Variants in BACH1 observed in about 807,000 individuals in gnomAD.
BACH1 encodes the protein transcription regulator protein BACH1.
A neutral mutation model predicts 52.9 loss-of-function variants in BACH1; 35 were observed. That is an observed-to-expected ratio of 0.66 (90% CI 0.51 to 0.88). BACH1 has a LOEUF of 0.88. Among genes scored for constraint, BACH1 ranks in the 40% least tolerant of loss-of-function variants. BACH1 has a pLI of 0.00. For missense variants in BACH1, 808 were observed against 872.6 expected, an observed-to-expected ratio of 0.93 and a Z score of 0.93; for synonymous variants, 321 against 319.6, an observed-to-expected ratio of 1.00 and a Z score of -0.05.
intron 2 of BACH1, among the ~76,000 whole-genome samples, chr21:29,324,848 C>T (rs965762301): frequency 2.0e-5 from 3 of 152,100 alleles, no homozygotes; most frequent in East Asian, 1.9e-4. Flanking sequence ...TTTAGTTTAT[C>T]GGCATTCTCA....
downstream of BACH1, among the ~76,000 whole-genome samples, chr21:29,347,390 C>T (rs1046574807): frequency 1.3e-5 from 2 of 152,136 alleles, no homozygotes; most frequent in Middle Eastern, 3.2e-3. Flanking sequence ...GACTTAATGA[C>T]GCTAAAAATT....
chr21:29,332,295 T>C (rs1314918900), intron 4 of BACH1, among the ~76,000 whole-genome samples: 1 of 152,226 alleles, frequency 6.6e-6, no homozygotes, highest in Non-Finnish European at 1.5e-5. Flanking sequence ...GTAAACTCTG[T>C]GTTTGGTATA....
Position 29,326,953 on chromosome 21 carries a change from G to A in BACH1, c.1129G>A (p.Glu377Lys). 6.8e-6 allele frequency: 11 copies of A among 1,614,212 alleles called. No homozygotes were observed. The highest frequency in any genetic ancestry group is 8.5e-6 in the Non-Finnish European group (10 of 1,180,038). Residue 377 changes from glutamate to lysine, a missense_variant, in exon 3 of 5, where the codon GAA (glutamate) becomes AAA (lysine). Glu to Lys is a moderately conservative substitution (Grantham distance 56, BLOSUM62 1). Transcript: ENST00000286800. ...TTTGAAATCCGACTTGGGCACCAGG[G>A]AAGATAGTAGTGTTGCATCTAGTGA... The part of the protein sequence containing the change: ...LPLKSDLGTR[E>K]DSSVASSDRS...
chr21:29,310,898 CAGG>C (rs745807078), intron 1 of BACH1, among the ~76,000 whole-genome samples: 5 of 152,064 alleles, frequency 3.3e-5, no homozygotes, highest in African/African-American at 4.8e-5. Flanking sequence ...AAATTCAGTA[CAGG>C]AGAGCAAAGA....
Position 29,305,010 on chromosome 21 carries a change from A to G in BACH1, c.-61+6057A>G, listed in dbSNP as rs182297269. Among the ~76,000 whole-genome samples, 282 of 152,308 alleles carry G rather than the reference A, an allele frequency of 1.9e-3. 5 individuals are homozygous for G. Among genetic ancestry groups the G allele is most frequent in the Non-Finnish European group, 3.8e-4 (26 of 68,032 alleles). ...TTATTTTAAAAAATGTACAGTGGTTATCTGATCTTGGCCCAGGCCTCTTCA... is the reference window on the plus strand; with the variant it reads ...TTATTTTAAAAAATGTACAGTGGTTGTCTGATCTTGGCCCAGGCCTCTTCA... On this transcript the variant is annotated intron_variant, in intron 1 of 4. Transcript: ENST00000286800.
intron 2 of BACH1, among the ~76,000 whole-genome samples, chr21:29,357,894 CATGTAGATAAT>C (rs1041412744): frequency 6.6e-6 from 1 of 152,214 alleles, no homozygotes; most frequent in African/African-American, 2.4e-5. Context: ...TCCCCATATT[CATGTAGATAAT>C]AACTCCAGCT....
At chr21:29,337,253 T>C (rs1205378512) in intron 4 of BACH1, among the ~76,000 whole-genome samples, 1 of 152,226 alleles carries the variant, frequency 6.6e-6, no homozygotes, top group African/African-American at 2.4e-5. Context: ...GCAGTTATAT[T>C]GGACTTTGGA....
intron 1 of BACH1, among the ~76,000 whole-genome samples, chr21:29,307,613 ATTG>A (rs1297111553): frequency 6.6e-6 from 1 of 152,204 alleles, no homozygotes; most frequent in Non-Finnish European, 1.5e-5. Flanking sequence ...TATGGTTATA[ATTG>A]TTGTATTTTA....
intron 4 of BACH1, among the ~76,000 whole-genome samples, chr21:29,341,158 C>G (rs1438387065): frequency 2.6e-5 from 4 of 151,810 alleles, no homozygotes; most frequent in Non-Finnish European, 4.4e-5. Flanking sequence ...TGTATAAAAC[C>G]ATAACAATAC....
At chr21:29,309,186 G>A (rs1153282) in intron 1 of BACH1, among the ~76,000 whole-genome samples, 107,479 of 151,032 alleles carry the variant, frequency 0.71, 39,375 homozygotes, top group African/African-American at 0.87. Context: ...TGAACCTGGG[G>A]GACAGGTGTT....
At chr21:29,339,943 A>AT (rs1244401617) in intron 4 of BACH1, among the ~76,000 whole-genome samples, 3 of 152,126 alleles carry the variant, frequency 2.0e-5, no homozygotes. Flanking sequence ...GCCTGTAAAG[A>AT]TTTTTTGTTG....
chr21:29,319,613 G>A (rs748310279), intron 1 of BACH1, among the ~76,000 whole-genome samples: 19 of 150,952 alleles, frequency 1.3e-4, no homozygotes, highest in Non-Finnish European at 1.2e-4. Context: ...TATTTCTACA[G>A]TGTTTTCTGG....
chr21:29,312,984 A>G (rs906944067), intron 1 of BACH1, among the ~76,000 whole-genome samples: 1 of 152,238 alleles, frequency 6.6e-6, no homozygotes, highest in East Asian at 1.9e-4. Flanking sequence ...GAGGCTCAAC[A>G]TCCATTACTT....
At chr21:29,350,313 T>C (rs956537897), downstream of BACH1, among the ~76,000 whole-genome samples, 3 of 152,196 alleles carry the variant, frequency 2.0e-5, no homozygotes, top group African/African-American at 7.2e-5. Flanking sequence ...CTGCCAAATG[T>C]TGGGTTTCCA....
chr21:29,321,362 C>T lies in BACH1; in HGVS notation c.82C>T (p.Arg28Trp), dbSNP rs747087328. 1.4e-5 allele frequency: 22 copies of T among 1,614,066 alleles called. No individual in the cohort carries two copies. Among genetic ancestry groups the T allele is most frequent in the Non-Finnish European group, 1.9e-5 (22 of 1,180,038 alleles). The change falls in exon 2 of 5, where the codon CGG (arginine) becomes TGG (tryptophan). Residue 28 changes from arginine (R) to tryptophan (W), a missense_variant. Physicochemically the swap from Arg to Trp is moderately radical, Grantham distance 101. Coordinates refer to ENST00000286800, the MANE Select transcript of BACH1 (RefSeq NM_001186.4). The stretch of plus-strand genomic sequence containing the variant: ...TGTTTTACTCAGCCTTAATGACCAG[C>T]GGAAGAAAGATGTGCTGTGCGATGT... ...TNVLLSLNDQRKKDVLCDVTI... is the reference protein window; with the variant it reads ...TNVLLSLNDQWKKDVLCDVTI...
Position 29,326,971 on chromosome 21 carries a change from T to C in BACH1, c.1147T>C (p.Ser383Pro). 2 of 1,614,228 alleles carry C rather than the reference T, an allele frequency of 1.2e-6. No homozygotes were observed. The highest frequency in any genetic ancestry group is 1.7e-6 in the Non-Finnish European group (2 of 1,180,034). The change falls in exon 3 of 5, where the codon TCT (serine) becomes CCT (proline). Residue 383 changes from serine to proline, a missense_variant. Transcript: ENST00000286800. ...CACCAGGGAAGATAGTAGTGTTGCA[T>C]CTAGTGATAGGAGTAGTGTGGAGCG... ...LGTREDSSVA[S>P]SDRSSVEREV...
In BACH1 at chr21:29,342,476, T is replaced by C; in HGVS notation, c.1854T>C (p.Thr618=). ...TGGGTGAGACAAAGCAGAACCTAAC[T>C]GGACTTTGCCAGAAAGTTTGTAAAG... The part of the protein sequence containing the change: ...STLGETKQNL[T]GLCQKVCKEA... Residue 618 remains threonine, a synonymous_variant, in exon 5 of 5, where the codon ACT becomes ACC. Transcript: ENST00000286800. The C allele has an allele frequency of 6.2e-7, 1 of 1,614,204 alleles. No individual in the cohort carries two copies. Among genetic ancestry groups the C allele is most frequent in the Non-Finnish European group, 8.5e-7 (1 of 1,180,032 alleles).
At chr21:29,358,806 GAAAGAA>G (rs950688215) in intron 2 of BACH1, among the ~76,000 whole-genome samples, 16 of 130,568 alleles carry the variant, frequency 1.2e-4, no homozygotes, top group East Asian at 4.0e-4. Flanking sequence ...AAGAAAGAAA[GAAAGAA>G]AGAAGAAAGA....
rs1157072725 is a variant in BACH1 at position 29,342,581 on chromosome 21, T to C, written c.1959T>C (p.Ser653=). ...AADCPLSFLI[S]EKDKSTPDGE... ...ATTGCCCACTTTCATTTTTAATTTC[T>C]GAAAAAGATAAAAGTACTCCTGATG... Residue 653 remains serine (S), a synonymous_variant, in exon 5 of 5, where the codon TCT becomes TCC. Transcript: ENST00000286800. 6.2e-7 allele frequency: 1 copy of C among 1,614,232 alleles called. No individual in the cohort carries two copies. The highest frequency in any genetic ancestry group is 8.5e-7 in the Non-Finnish European group (1 of 1,180,038).
Sources: allele counts gnomAD v4.1 joint callset (sites outside exome capture counted in the v4.1 genomes callset), GRCh38; gene constraint gnomAD v4.1.1; transcripts MANE v1.5; gene names NCBI Gene and HGNC (gene_info 2026-07-23, HGNC 2026-07-21).